Variants in RALGPS1 observed in about 807,000 individuals in gnomAD.
RALGPS1 encodes the protein Ral GEF with PH domain and SH3 binding motif 1.
In RALGPS1, 19 loss-of-function variants were observed where a neutral mutation model predicts 78.8. That is an observed-to-expected ratio of 0.24 (90% confidence interval 0.17 to 0.35). The LOEUF is 0.35. RALGPS1 is among the 10% of genes least tolerant of loss of function. RALGPS1 has a pLI of 1.00. For synonymous variants in RALGPS1, 228 were observed against 256.3 expected, an observed-to-expected ratio of 0.89 and a Z score of 1.06; for missense variants, 454 against 688.3, an observed-to-expected ratio of 0.66 and a Z score of 3.81.
At chr9:126,965,489 G>A (rs1163877861) in intron 2 of RALGPS1, among the ~76,000 whole-genome samples, 1 of 152,216 alleles carries the variant, frequency 6.6e-6, no homozygotes, top group Admixed American at 6.5e-5. Flanking sequence ...AAGTTAGGGT[G>A]TGGCAACTGA....
At chr9:127,032,096 C>A (rs1294422588) in intron 4 of RALGPS1, among the ~76,000 whole-genome samples, 4 of 152,180 alleles carry the variant, frequency 2.6e-5, no homozygotes, top group Non-Finnish European at 5.9e-5. Flanking sequence ...AGGCAGGTAA[C>A]CTTTATCAAG....
At chr9:126,926,160 T>C (rs2035262102) in intron 1 of RALGPS1, among the ~76,000 whole-genome samples, 1 of 152,262 alleles carries the variant, frequency 6.6e-6, no homozygotes, top group South Asian at 2.1e-4. Flanking sequence ...AGAGATTGGT[T>C]GCTTCCTTTG....
intron 4 of RALGPS1, among the ~76,000 whole-genome samples, chr9:127,030,996 C>G (rs1456839048): frequency 6.6e-6 from 1 of 152,184 alleles, no homozygotes; most frequent in African/African-American, 2.4e-5. Flanking sequence ...CACATCCAGT[C>G]AGCTCAGCCA....
intron 8 of RALGPS1, among the ~76,000 whole-genome samples, chr9:127,160,201 A>G (rs1184539214): frequency 1.3e-5 from 2 of 152,166 alleles, no homozygotes; most frequent in African/African-American, 4.8e-5. Context: ...GCTCTGGGCC[A>G]TCGAGTATGG....
At chr9:127,187,026 G>A (rs1049271237) in intron 11 of RALGPS1, among the ~76,000 whole-genome samples, 3 of 152,180 alleles carry the variant, frequency 2.0e-5, no homozygotes, top group Non-Finnish European at 4.4e-5. Context: ...AAGGGCCGAA[G>A]AAGTTACCAG....
At chr9:126,956,464 G>T (rs2038349514) in intron 1 of RALGPS1, among the ~76,000 whole-genome samples, 1 of 152,178 alleles carries the variant, frequency 6.6e-6, no homozygotes, top group Non-Finnish European at 1.5e-5. Flanking sequence ...TTTGTCGGGG[G>T]CGAGACATGC....
intron 8 of RALGPS1, among the ~76,000 whole-genome samples, chr9:127,152,088 G>A (rs567224962): frequency 1.3e-5 from 2 of 151,220 alleles, no homozygotes; most frequent in African/African-American, 2.4e-5. Flanking sequence ...TCTTTCCATC[G>A]CATCCACCCG....
rs1461904973 is a variant in RALGPS1 at position 127,034,418 on chromosome 9, C to T, written c.217-13C>T. The T allele has an allele frequency of 1.2e-6, 2 of 1,611,952 alleles. No homozygotes were observed. The highest frequency in any genetic ancestry group is 4.5e-5 in the East Asian group (2 of 44,866). On this transcript the variant is annotated splice_polypyrimidine_tract_variant and intron_variant, in intron 4 of 18. Transcript: ENST00000259351. The stretch of plus-strand genomic sequence containing the variant: ...ACTAGAATCACTGTTGAAATTCATT[C>T]TGTGCTTCCTAGGAACTAGCCAGCT...
chr9:127,206,944 T>C (rs2061965537), intron 14 of RALGPS1, among the ~76,000 whole-genome samples: 1 of 152,126 alleles, frequency 6.6e-6, no homozygotes, highest in Admixed American at 6.5e-5. Flanking sequence ...TGTCGTGATC[T>C]TGGGCAAGTG....
At position 127,053,736 on chromosome 9, in the gene RALGPS1, T is replaced by C. The variant is rs543624897; in HGVS notation, c.483+797T>C. On this transcript the variant is annotated intron_variant, in intron 7 of 18. Coordinates refer to ENST00000259351, the MANE Select transcript of RALGPS1 (RefSeq NM_014636.3). ...TGCCAGTCTGTGGGGCTGGGCTCTG[T>C]TTCCTACTTGGCTGGTTCAAGGGCT... Among the ~76,000 whole-genome samples the C allele has an allele frequency of 5.9e-5, 9 of 152,336 alleles. No individual in the cohort carries two copies. The East Asian group carries it at 1.7e-3, about 29-fold the overall frequency.
At chr9:126,952,656 A>AGTGTGT (rs1281535322) in intron 1 of RALGPS1, among the ~76,000 whole-genome samples, 11 of 138,924 alleles carry the variant, frequency 7.9e-5, no homozygotes, top group East Asian at 2.1e-4. Flanking sequence ...AGAGAGAGAG[A>AGTGTGT]GTGTGTGTGT....
chr9:127,179,357 G>A (rs894834088), intron 11 of RALGPS1, among the ~76,000 whole-genome samples: 2 of 152,188 alleles, frequency 1.3e-5, no homozygotes, highest in African/African-American at 2.4e-5. Flanking sequence ...TGGGAAGGGT[G>A]GGGCCAGAGG....
At chr9:127,114,741 G>A (rs1182476326) in intron 8 of RALGPS1, among the ~76,000 whole-genome samples, 2 of 152,232 alleles carry the variant, frequency 1.3e-5, no homozygotes, top group African/African-American at 4.8e-5. Context: ...CCTGAGAAGC[G>A]GGCCTCTGCC....
intron 7 of RALGPS1, among the ~76,000 whole-genome samples, chr9:127,054,996 TGAGAGAGAGAGAGAGAGA>T (rs10555826): frequency 1.4e-4 from 19 of 139,214 alleles, no homozygotes; most frequent in South Asian, 1.0e-3. Context: ...AGAGATTGAT[TGAGAGAGAGAGAGAGAGA>T]GAGAGAGAGA....
intron 14 of RALGPS1, among the ~76,000 whole-genome samples, chr9:127,207,923 C>T (rs1046708144): frequency 2.0e-5 from 3 of 152,372 alleles, no homozygotes; most frequent in Non-Finnish European, 4.4e-5. Context: ...GCCCTCCACC[C>T]GCACCAGAAA....
intron 8 of RALGPS1, among the ~76,000 whole-genome samples, chr9:127,084,565 G>T (rs1232518164): frequency 6.6e-6 from 1 of 152,206 alleles, no homozygotes; most frequent in African/African-American, 2.4e-5. Context: ...AGACAGGAGT[G>T]CTTATGCTGT....
chr9:127,031,385 C>G (rs2046419899), intron 4 of RALGPS1, among the ~76,000 whole-genome samples: 1 of 152,224 alleles, frequency 6.6e-6, no homozygotes, highest in South Asian at 2.1e-4. Flanking sequence ...TTAGCACAGA[C>G]AGAATGGTCA....
intron 1 of RALGPS1, among the ~76,000 whole-genome samples, chr9:126,955,328 G>GA (rs1211668338): frequency 6.6e-6 from 1 of 152,152 alleles, no homozygotes; most frequent in Admixed American, 6.5e-5. Context: ...TGGAAAAAAT[G>GA]ACATTCATTA....
At chr9:127,042,469 C>T (rs951217743) in intron 5 of RALGPS1, among the ~76,000 whole-genome samples, 1 of 151,826 alleles carries the variant, frequency 6.6e-6, no homozygotes, top group East Asian at 1.9e-4. Flanking sequence ...AGTACTCATT[C>T]ATAATTAAAA....
Sources: allele counts gnomAD v4.1 joint callset (sites outside exome capture counted in the v4.1 genomes callset), GRCh38; gene constraint gnomAD v4.1.1; transcripts MANE v1.5; gene names NCBI Gene and HGNC (gene_info 2026-07-23, HGNC 2026-07-21).